Variants in SF3A3 observed in about 807,000 individuals in gnomAD.
SF3A3 encodes the protein SAP 61.
SF3A3 carries 9 observed loss-of-function variants against 85.8 expected under a neutral mutation model. The observed-to-expected ratio is 0.10, with a 90% CI of 0.06 to 0.18. SF3A3 has a LOEUF of 0.18. Ranked by LOEUF, SF3A3 falls within the 10% of genes least tolerant of loss-of-function variation. The pLI, the probability that SF3A3 is intolerant of heterozygous loss-of-function variation, is 1.00. For synonymous variants in SF3A3, 195 were observed against 204.4 expected (o/e 0.95, Z 0.39); for missense variants, 306 against 593.3 (o/e 0.52, Z 5.03).
chr1:37,976,995 A>C, intron 11 of SF3A3, 42 bp from the exon 12 acceptor site: 105 of 1,423,426 alleles, frequency 7.4e-5, no homozygotes, highest in Non-Finnish European at 9.4e-5. Flanking sequence ...GGATTCTCTC[A>C]TCCATTGTTT....
chr1:37,960,877 T>A (rs1466081886), intron 15 of SF3A3, among the ~76,000 whole-genome samples: 1 of 151,868 alleles, frequency 6.6e-6, no homozygotes, highest in East Asian at 1.9e-4. Flanking sequence ...ATGGTCTCCA[T>A]CTCCTGACCT....
intron 4 of SF3A3, among the ~76,000 whole-genome samples, chr1:37,986,386 C>T (rs1308041770): frequency 6.6e-6 from 1 of 152,200 alleles, no homozygotes; most frequent in Non-Finnish European, 1.5e-5. Flanking sequence ...ACAGTTGACA[C>T]CATGACTGCC....
rs1320930122 is a variant in SF3A3, at chr1:37,989,520, A to G, written c.144+28T>C. 3 of 1,600,038 alleles carry G rather than the reference A, an allele frequency of 1.9e-6. No homozygotes were observed. In the Admixed American group the frequency reaches 5.1e-5, roughly 27 times the overall value. The stretch of plus-strand genomic sequence containing the variant: ...TCTCTTTTCCCGCCCTCGCCAACCC[A>G]AAGAGAGGCAGACAGCTGGGCACTC... On this transcript the variant is annotated intron_variant, in intron 2 of 16. Transcript: ENST00000373019.
chr1:37,980,309 A>G (rs1208790225), intron 8 of SF3A3, among the ~76,000 whole-genome samples: 1 of 152,022 alleles, frequency 6.6e-6, no homozygotes, highest in Non-Finnish European at 1.5e-5. Flanking sequence ...CTGTAATCCC[A>G]GTTACTCGGG....
chr1:37,965,152 G>T (rs1164539897), intron 15 of SF3A3, among the ~76,000 whole-genome samples: 7 of 150,144 alleles, frequency 4.7e-5, no homozygotes, highest in Admixed American at 4.0e-4. Flanking sequence ...GCAAGACTCT[G>T]TCTCAAAAAA....
At chr1:37,979,155 C>T in intron 9 of SF3A3, 100 bp from the exon 10 acceptor site, 1 of 915,920 alleles carries the variant, frequency 1.1e-6, no homozygotes, top group Non-Finnish European at 1.8e-6. Flanking sequence ...TGTGGCAGGA[C>T]CACACATTTC....
intron 11 of SF3A3, among the ~76,000 whole-genome samples, chr1:37,977,614 G>C (rs1364847160): frequency 6.6e-6 from 1 of 152,078 alleles, no homozygotes; most frequent in Middle Eastern, 3.2e-3. Flanking sequence ...TGAGGCAGGT[G>C]GATCACCTGA....
At chr1:37,981,443 C>T (rs1186342830) in intron 7 of SF3A3, among the ~76,000 whole-genome samples, 3 of 152,092 alleles carry the variant, frequency 2.0e-5, no homozygotes, top group Admixed American at 2.0e-4. Flanking sequence ...CATTAAACTC[C>T]AAAAACACAG....
At chr1:37,981,594 C>T (rs7512424) in intron 7 of SF3A3, 135 bp downstream of exon 7, 608,644 of 686,376 alleles carry the variant, frequency 0.89, 270,721 homozygotes, top group East Asian at 1. Context: ...TCATTCATAA[C>T]CCCATCCTCC....
In SF3A3 at chr1:37,967,570, C is replaced by T. The variant is rs574080984; in HGVS notation, c.1372+474G>A. On this transcript the variant is annotated intron_variant, in intron 15 of 16. Coordinates refer to ENST00000373019, the MANE Select transcript of SF3A3 (RefSeq NM_006802.4). Reference sequence around the variant, plus strand: ...GGCGGGCGCCTGTAGTCCCAGCTACCGGGAGGCTGAGGCAGGAGAATGGCA... The same window carrying T: ...GGCGGGCGCCTGTAGTCCCAGCTACTGGGAGGCTGAGGCAGGAGAATGGCA... Among the ~76,000 whole-genome samples the T allele has an allele frequency of 8.5e-5, 12 of 141,708 alleles. No homozygotes were observed. In the South Asian group the frequency reaches 1.4e-3, roughly 17 times the overall value. 93.0% of individuals were successfully genotyped at this position (141,708 alleles called of 152,430 possible).
At chr1:37,988,452 T>C (rs1232304466) in intron 2 of SF3A3, among the ~76,000 whole-genome samples, 1 of 152,164 alleles carries the variant, frequency 6.6e-6, no homozygotes, top group Non-Finnish European at 1.5e-5. Context: ...ATACCTTATT[T>C]ACCAAGTGGG....
intron 7 of SF3A3, 105 bp from the exon 8 acceptor site, chr1:37,980,829 CTTTT>C (rs754723913): frequency 7.6e-5 from 25 of 328,546 alleles, no homozygotes; most frequent in Non-Finnish European, 1.3e-4. Flanking sequence ...GTAATGCTAT[CTTTT>C]TAATACTCTT....
At chr1:37,976,788 C>G in intron 12 of SF3A3, 96 bp downstream of exon 12, 1 of 827,776 alleles carries the variant, frequency 1.2e-6, no homozygotes, top group Non-Finnish European at 2.1e-6. Flanking sequence ...ATCCACTCCT[C>G]TTTTGAACCT....
intron 6 of SF3A3, 125 bp downstream of exon 6, chr1:37,984,044 T>C: frequency 1.9e-6 from 1 of 522,744 alleles, no homozygotes; most frequent in African/African-American, 1.9e-5. Context: ...ACCTCTTTAA[T>C]ATTTACATAA....
chr1:37,980,841 CTTTTTTTTTTT>C (rs760972269), intron 7 of SF3A3, 117 bp from the exon 8 acceptor site: 7 of 95,410 alleles, frequency 7.3e-5, no homozygotes, highest in South Asian at 3.1e-4. Flanking sequence ...TTTTAATACT[CTTTTTTTTTTT>C]TTTTTTTTTT....
At chr1:37,969,974 T>C (rs1240595727) in intron 12 of SF3A3, among the ~76,000 whole-genome samples, 4 of 152,186 alleles carry the variant, frequency 2.6e-5, no homozygotes, top group East Asian at 1.9e-4. Flanking sequence ...GAGGCTATTA[T>C]AGAACAACAG....
At chr1:37,974,750 T>A (rs1486404284) in intron 12 of SF3A3, among the ~76,000 whole-genome samples, 1 of 152,238 alleles carries the variant, frequency 6.6e-6, no homozygotes, top group Non-Finnish European at 1.5e-5. Flanking sequence ...CTACTGCTTA[T>A]AAGGCAAAGT....
chr1:37,962,806 C>A (rs1403153601), intron 15 of SF3A3, among the ~76,000 whole-genome samples: 1 of 151,228 alleles, frequency 6.6e-6, no homozygotes, highest in Non-Finnish European at 1.5e-5. Flanking sequence ...ATCACTGCGG[C>A]CGGGTGCGGT....
At chr1:37,983,420 C>T (rs1646433485) in intron 6 of SF3A3, among the ~76,000 whole-genome samples, 1 of 150,346 alleles carries the variant, frequency 6.7e-6, no homozygotes, top group South Asian at 2.1e-4. Context: ...CCCATCTCTA[C>T]ACAAAATACA....
Sources: allele counts gnomAD v4.1 joint callset (sites outside exome capture counted in the v4.1 genomes callset), GRCh38; gene constraint gnomAD v4.1.1; transcripts MANE v1.5; gene names NCBI Gene and HGNC (gene_info 2026-07-23, HGNC 2026-07-21).